The following WDR62 variants were observed in gnomAD, a reference collection of about 807,000 sequenced individuals.
The protein encoded by WDR62 is WD repeat-containing protein 62.
In WDR62, 112 loss-of-function variants were observed where a neutral mutation model predicts 160.6. The observed-to-expected ratio is 0.70, with a 90% CI of 0.60 to 0.82. The LOEUF is 0.82. Among genes scored for constraint, WDR62 ranks in the 40% least tolerant of loss-of-function variants. WDR62 has a pLI of 0.00. For missense variants in WDR62, 1,819 were observed against 1,983.8 expected (o/e 0.92, Z 1.58); for synonymous variants, 792 against 815.1 (o/e 0.97, Z 0.48).
In WDR62 at chr19:36,084,677, C is replaced by T. The variant is rs192491678; in HGVS notation, c.1575C>T (p.Asp525=). The change falls in exon 12 of 32, where the codon GAC becomes GAT. Residue 525 remains aspartate (D), a synonymous_variant. Transcript: ENST00000401500. ...NLRIHELHFM[D]ELVKVEAHDA... Reference sequence around the variant, plus strand: ...GGATCCACGAGCTGCACTTCATGGACGAGCTGGTCAAGGTGGAGGCCCATG... The same window carrying T: ...GGATCCACGAGCTGCACTTCATGGATGAGCTGGTCAAGGTGGAGGCCCATG... The T allele has an allele frequency of 3.1e-5, 50 of 1,613,804 alleles. No individual in the cohort carries two copies. The East Asian group carries it at 8.2e-4, about 27-fold the overall frequency.
chr19:36,087,192 AG>A (rs1363920118), intron 13 of WDR62, among the ~76,000 whole-genome samples: 2 of 150,988 alleles, frequency 1.3e-5, no homozygotes, highest in Non-Finnish European at 2.9e-5. Flanking sequence ...TAGGCAACAG[AG>A]TGAGACCCTG....
At chr19:36,068,929 C>T (rs1193058017) in intron 7 of WDR62, among the ~76,000 whole-genome samples, 3 of 151,934 alleles carry the variant, frequency 2.0e-5, no homozygotes, top group South Asian at 2.1e-4. Flanking sequence ...CCAGAAGGGG[C>T]GGCCGGGCAG....
rs587784561 is a variant in WDR62 at position 36,071,637 on chromosome 19, G to A, written c.964G>A (p.Ala322Thr). Residue 322 changes from alanine (A) to threonine (T), a missense_variant, in exon 8 of 32, where the codon GCC (alanine) becomes ACC (threonine). By Grantham distance (58) the Ala-to-Thr change is moderately conservative (BLOSUM62 0). This residue lies in a region of WDR62 where 934 missense variants were observed against 1,157.2 expected (regional missense o/e 0.81). Coordinates refer to ENST00000401500, the MANE Select transcript of WDR62 (RefSeq NM_001083961.2). ...CTDGIVRIFQ[A>T]HSLHYLANLP... ...AGATGGGATAGTCCGCATCTTCCAG[G>A]CCCATAGCCTGCACTACCTCGCCAA... 6.2e-7 allele frequency: 1 copy of A among 1,614,210 alleles called. No homozygotes were observed. Among genetic ancestry groups the A allele is most frequent in the East Asian group, 2.2e-5 (1 of 44,892 alleles).
At chr19:36,108,154 A>G (rs1005118261), downstream of WDR62, among the ~76,000 whole-genome samples, 3 of 152,088 alleles carry the variant, frequency 2.0e-5, no homozygotes, top group African/African-American at 7.2e-5. Context: ...CACAGGACGG[A>G]GTGAGAATCA....
rs1184841925 is a variant in WDR62, at chr19:36,083,174, G to T, written c.1483G>T (p.Val495Leu). ...GACACCCATGGACGTGAAAGCCGGG[G>T]TGCGGGTCATGCAGGTCAGTCCTGA... ...NGTPMDVKAGVRVMQVSPDGQ... is the reference protein window; with the variant it reads ...NGTPMDVKAGLRVMQVSPDGQ... The change falls in exon 11 of 32, where the codon GTG (valine) becomes TTG (leucine). Residue 495 changes from valine to leucine, a missense_variant. Coordinates refer to ENST00000401500, the MANE Select transcript of WDR62 (RefSeq NM_001083961.2). 2 of 1,612,418 alleles carry T rather than the reference G, an allele frequency of 1.2e-6. No homozygotes were observed. Among genetic ancestry groups the T allele is most frequent in the East Asian group, 2.2e-5 (1 of 44,860 alleles).
Position 36,091,441 on chromosome 19 carries a change from A to G in WDR62, c.2186A>G (p.His729Arg). 6.2e-7 allele frequency: 1 copy of G among 1,613,982 alleles called. No individual in the cohort carries two copies. Among genetic ancestry groups the G allele is most frequent in the Non-Finnish European group, 8.5e-7 (1 of 1,180,026 alleles). Reference protein sequence around the residue: ...TSMKFTYDCHHLITVSGDSCV... With the variant: ...TSMKFTYDCHRLITVSGDSCV... ...ATGAAGTTCACCTATGACTGTCATC[A>G]CTTGATCACAGTATCTGGAGACAGG... Residue 729 changes from histidine to arginine, a missense_variant, in exon 18 of 32, where the codon CAC (histidine) becomes CGC (arginine). By Grantham distance (29) the His-to-Arg change is conservative. This residue lies in a region of WDR62 where 934 missense variants were observed against 1,157.2 expected (regional missense o/e 0.81). Transcript: ENST00000401500.
chr19:36,107,663 C>T (rs1973739700), downstream of WDR62, among the ~76,000 whole-genome samples: 1 of 151,956 alleles, frequency 6.6e-6, no homozygotes, highest in African/African-American at 2.4e-5. Context: ...TGTGCTTGGA[C>T]CATCTCTCCT....
At chr19:36,086,324 A>G (rs1057042722) in intron 12 of WDR62, among the ~76,000 whole-genome samples, 7 of 152,052 alleles carry the variant, frequency 4.6e-5, no homozygotes, top group East Asian at 3.9e-4. Flanking sequence ...GTGAGAGGAC[A>G]CTGGTTTTGG....
At chr19:36,092,317 A>T (rs1359124026) in intron 18 of WDR62, among the ~76,000 whole-genome samples, 1 of 152,062 alleles carries the variant, frequency 6.6e-6, no homozygotes, top group South Asian at 2.1e-4. Context: ...TCAAAAAAAA[A>T]AAAAAAAGAA....
In WDR62 at chr19:36,102,747, C is replaced by T. The variant is rs187029707; in HGVS notation, c.3231C>T (p.Pro1077=). ...LTESPCRELF[P]AALGDVEASE... is the part of the protein sequence containing the mutation. ...GGGATCTTCCCCTAGAGCTCTTCCC[C>T]GCAGCTCTGGGAGACGTGGAGGCCT... Residue 1077 remains proline (P), a synonymous_variant, in exon 27 of 32, where the codon CCC becomes CCT. Transcript: ENST00000401500. 9.7e-4 allele frequency: 1,568 copies of T among 1,614,080 alleles called. 20 individuals carry two copies. In the East Asian group the frequency reaches 0.022, roughly 23 times the overall value.
At chr19:36,069,327 CAG>C (rs1444995540) in intron 7 of WDR62, among the ~76,000 whole-genome samples, 9 of 151,768 alleles carry the variant, frequency 5.9e-5, no homozygotes, top group Non-Finnish European at 1.2e-4. Flanking sequence ...GACGGCCAGG[CAG>C]AGACGCTCCT....
rs1408433641 is a variant in WDR62 at position 36,071,832 on chromosome 19, G to A, written c.1043+116G>A. Reference sequence around the variant, plus strand: ...TGTCCATCCCACAAATACCCATCATGACTCTCAGCCCTGGGCATTACAAAG... The same window carrying A: ...TGTCCATCCCACAAATACCCATCATAACTCTCAGCCCTGGGCATTACAAAG... On this transcript the variant is annotated intron_variant, in intron 8 of 31. Coordinates refer to ENST00000401500, the MANE Select transcript of WDR62 (RefSeq NM_001083961.2). The A allele has an allele frequency of 1.2e-5, 16 of 1,356,784 alleles. No individual in the cohort carries two copies. In the Admixed American group the frequency reaches 3.8e-4, roughly 32 times the overall value. 84.0% of individuals were successfully genotyped at this position (1,356,784 alleles called of 1,614,324 possible). A position where few individuals can be genotyped will look rare whatever the true frequency, so the allele number is the denominator to read the frequency against.
rs1973530503 is a variant in WDR62 at position 36,103,589 on chromosome 19, C to T, written c.3761C>T (p.Ser1254Phe). 6.2e-7 allele frequency: 1 copy of T among 1,613,480 alleles called. No homozygotes were observed. Among genetic ancestry groups the T allele is most frequent in the African/African-American group, 1.3e-5 (1 of 74,938 alleles). ...TLAQPLRRPSSVGELASLGQE... is the reference protein window; with the variant it reads ...TLAQPLRRPSFVGELASLGQE... The stretch of plus-strand genomic sequence containing the variant: ...GCCCAGCCCCTCCGTAGGCCATCGT[C>T]CGTTGGGGAGCTGGCCTCCTTGGGC... Residue 1254 changes from serine to phenylalanine, a missense_variant, in exon 30 of 32, where the codon TCC (serine) becomes TTC (phenylalanine). By Grantham distance (155) the Ser-to-Phe change is radical. Transcript: ENST00000401500.
chr19:36,081,385 T>C, intron 9 of WDR62, 48 bp from the exon 10 acceptor site: 1 of 1,463,600 alleles, frequency 6.8e-7, no homozygotes, highest in Non-Finnish European at 9.5e-7. Flanking sequence ...CAGTAAGTCA[T>C]AGTGCTGTCA....
intron 9 of WDR62, among the ~76,000 whole-genome samples, chr19:36,074,523 G>A (rs952879022): frequency 5.9e-5 from 9 of 152,058 alleles, no homozygotes; most frequent in East Asian, 1.9e-4. Flanking sequence ...TTAGCCAGGC[G>A]CGCCTATAGT....
intron 6 of WDR62, 83 bp from the exon 7 acceptor site, chr19:36,067,745 C>G: frequency 6.8e-7 from 1 of 1,479,322 alleles, no homozygotes; most frequent in Non-Finnish European, 9.4e-7. Flanking sequence ...TTAGAGTTCT[C>G]CTGTTTTGTT....
chr19:36,078,756 A>G (rs1188563683), intron 9 of WDR62, among the ~76,000 whole-genome samples: 1 of 150,452 alleles, frequency 6.6e-6, no homozygotes, highest in Non-Finnish European at 1.5e-5. Flanking sequence ...GAATTGCTTG[A>G]ACCCGGGAGG....
At chr19:36,107,500 C>A (rs1268036609), downstream of WDR62, among the ~76,000 whole-genome samples, 1 of 152,020 alleles carries the variant, frequency 6.6e-6, no homozygotes, top group Non-Finnish European at 1.5e-5. Context: ...TTGGTCCCAG[C>A]TGCTGGGTGG....
Sources: allele counts gnomAD v4.1 joint callset (sites outside exome capture counted in the v4.1 genomes callset), GRCh38; gene constraint gnomAD v4.1.1; regional missense constraint gnomAD v4.1.1; transcripts MANE v1.5; gene names NCBI Gene and HGNC (gene_info 2026-07-23, HGNC 2026-07-21).